Variants in LDLRAD3 observed in about 807,000 individuals in gnomAD.
LDLRAD3 encodes low-density lipoprotein receptor class A domain-containing protein 3.
Under a neutral mutation model 29.4 loss-of-function variants are expected in LDLRAD3, and 20 were observed. The observed-to-expected ratio is 0.68, with a 90% CI of 0.48 to 0.99. The LOEUF is 0.99. Ranked by LOEUF, LDLRAD3 falls within the 50% of genes least tolerant of loss-of-function variation. The pLI, the probability that LDLRAD3 is intolerant of heterozygous loss-of-function variation, is 0.00. For synonymous variants in LDLRAD3, 157 were observed against 192.7 expected (o/e 0.81, Z 1.53); for missense variants, 420 against 454.3 (o/e 0.92, Z 0.69).
In LDLRAD3 at chr11:36,229,465, C is replaced by A; in HGVS notation, c.*68C>A. 1.7e-6 allele frequency: 2 copies of A among 1,191,090 alleles called. No individual in the cohort carries two copies. Among genetic ancestry groups the A allele is most frequent in the South Asian group, 1.3e-5 (1 of 76,524 alleles). The allele number at this position is 1,191,090 out of a possible 1,614,324, so 73.8% of individuals were successfully genotyped here. A position where few individuals can be genotyped will look rare whatever the true frequency, so the allele number is the denominator to read the frequency against. Reference sequence around the variant, plus strand: ...CTTGTTGCCATTCTAACAATTTGTGCTCATGGGAAGCTCTTTAAGCACCTG... The same window carrying A: ...CTTGTTGCCATTCTAACAATTTGTGATCATGGGAAGCTCTTTAAGCACCTG... On this transcript the variant is annotated 3_prime_UTR_variant, in exon 6 of 6. Transcript: ENST00000315571.
intron 2 of LDLRAD3, among the ~76,000 whole-genome samples, chr11:36,048,160 A>G (rs1590225671): frequency 6.6e-6 from 1 of 152,188 alleles, no homozygotes; most frequent in African/African-American, 2.4e-5. Context: ...GTGATTCTCC[A>G]TAGATTCTCC....
At chr11:36,089,845 C>T (rs1008967092) in intron 3 of LDLRAD3, among the ~76,000 whole-genome samples, 10 of 151,752 alleles carry the variant, frequency 6.6e-5, no homozygotes, top group Non-Finnish European at 8.8e-5. Context: ...CTCCTAGCCC[C>T]GAGCTATCCT....
intron 4 of LDLRAD3, among the ~76,000 whole-genome samples, chr11:36,135,698 C>T (rs1221413404): frequency 6.6e-6 from 1 of 152,060 alleles, no homozygotes; most frequent in East Asian, 1.9e-4. Context: ...TCACTTGAGG[C>T]CAGGAGTTCA....
intron 4 of LDLRAD3, among the ~76,000 whole-genome samples, chr11:36,120,087 T>TC (rs1853731831): frequency 6.6e-6 from 1 of 152,196 alleles, no homozygotes. Flanking sequence ...TGTTATTTTT[T>TC]CCCTCACTGA....
At chr11:36,169,667 T>C (rs533350155) in intron 4 of LDLRAD3, among the ~76,000 whole-genome samples, 3 of 152,368 alleles carry the variant, frequency 2.0e-5, no homozygotes, top group South Asian at 4.1e-4. Context: ...TATTCCATTA[T>C]GTATACATAC....
intron 1 of LDLRAD3, among the ~76,000 whole-genome samples, chr11:36,028,028 A>G (rs987942492): frequency 1.4e-4 from 22 of 152,170 alleles, no homozygotes; most frequent in Admixed American, 1.4e-3. Flanking sequence ...TGGCAAGGAC[A>G]TGGGTGTGAG....
In LDLRAD3 at chr11:36,098,509, A is replaced by C. The variant is rs752563770; in HGVS notation, c.454+48A>C. On this transcript the variant is annotated intron_variant, in intron 4 of 5. Transcript: ENST00000315571. Reference sequence around the variant, plus strand: ...AAAGATAATTGCAACACAACACTGCAGTAATGGAACACCCTGAAAGGCAGA... The same window carrying C: ...AAAGATAATTGCAACACAACACTGCCGTAATGGAACACCCTGAAAGGCAGA... The C allele has an allele frequency of 3.1e-6, 5 of 1,606,804 alleles. No homozygotes were observed. In the South Asian group the frequency reaches 5.5e-5, roughly 18 times the overall value.
rs1420718973 is a variant in LDLRAD3 at position 35,944,251 on chromosome 11, C to T, written c.46+107C>T. The T allele has an allele frequency of 1.5e-5, 10 of 671,776 alleles. No homozygotes were observed. The highest frequency in any genetic ancestry group is 2.0e-5 in the African/African-American group (1 of 51,020). The allele number at this position is 671,776 out of a possible 1,614,324, so 41.6% of individuals were successfully genotyped here. A position where few individuals can be genotyped will look rare whatever the true frequency, so the allele number is the denominator to read the frequency against. ...CCTCTCCCGGGCGCGGGCCGCTCTC[C>T]GGGCGTGGGTGAGCGCGGAGGGCGG... On this transcript the variant is annotated intron_variant, in intron 1 of 5. Transcript: ENST00000315571. The surrounding 1 kb of genome is among the most constrained non-coding windows in gnomAD (Gnocchi z 4.9).
chr11:36,094,846 C>G (rs114463578), intron 3 of LDLRAD3, among the ~76,000 whole-genome samples: 2,035 of 152,236 alleles, frequency 0.013, 44 homozygotes, highest in African/African-American at 0.047. Flanking sequence ...CCATTTTAGT[C>G]ATTTCTGATT....
chr11:35,959,435 T>C (rs1851247942), intron 1 of LDLRAD3, among the ~76,000 whole-genome samples: 1 of 152,196 alleles, frequency 6.6e-6, no homozygotes, highest in Admixed American at 6.5e-5. Flanking sequence ...TCTCTATACT[T>C]GAATGTTTAT....
intron 2 of LDLRAD3, among the ~76,000 whole-genome samples, chr11:36,063,881 T>C (rs1329956379): frequency 2.0e-5 from 3 of 152,234 alleles, no homozygotes; most frequent in Non-Finnish European, 4.4e-5. Flanking sequence ...TTCAATATGG[T>C]TTTGGCTATT....
chr11:36,036,579 A>G (rs1192030067), intron 2 of LDLRAD3, among the ~76,000 whole-genome samples: 1 of 152,104 alleles, frequency 6.6e-6, no homozygotes, highest in African/African-American at 2.4e-5. Context: ...ATGTGGCTGC[A>G]GCATCTTAAA....
At chr11:36,148,720 C>T (rs1854233154) in intron 4 of LDLRAD3, among the ~76,000 whole-genome samples, 1 of 152,130 alleles carries the variant, frequency 6.6e-6, no homozygotes, top group Non-Finnish European at 1.5e-5. Context: ...GCCAGGACCA[C>T]TTTACCCCAG....
chr11:36,141,235 A>G (rs10836506), intron 4 of LDLRAD3, among the ~76,000 whole-genome samples: 46,571 of 152,014 alleles, frequency 0.31, 7,582 homozygotes, highest in East Asian at 0.56. Flanking sequence ...TCACCTATCG[A>G]GTTTTTCTTT....
chr11:36,070,128 G>C (rs914475516), intron 2 of LDLRAD3, among the ~76,000 whole-genome samples: 1 of 152,152 alleles, frequency 6.6e-6, no homozygotes, highest in Non-Finnish European at 1.5e-5. Context: ...TGTCAGCTTC[G>C]CTTTTGAATC....
intron 4 of LDLRAD3, among the ~76,000 whole-genome samples, chr11:36,199,587 ACGCACGCACGCGTGCG>A (rs1257012897): frequency 3.4e-5 from 5 of 149,250 alleles, no homozygotes; most frequent in Admixed American, 6.7e-5. Context: ...ACACACACAC[ACGCACGCACGCGTGCG>A]CGCACACGCT....
chr11:36,022,585 G>A (rs917764018), intron 1 of LDLRAD3, among the ~76,000 whole-genome samples: 1 of 152,150 alleles, frequency 6.6e-6, no homozygotes, highest in Non-Finnish European at 1.5e-5. Flanking sequence ...GTCAATCTCT[G>A]TTTTATATAT....
At chr11:35,949,546 A>C (rs560028493) in intron 1 of LDLRAD3, among the ~76,000 whole-genome samples, 1 of 152,296 alleles carries the variant, frequency 6.6e-6, no homozygotes, top group African/African-American at 2.4e-5. Flanking sequence ...TTCGTTCTGC[A>C]GGTGCTTGGG....
chr11:36,152,755 C>G (rs1854294770), intron 4 of LDLRAD3, among the ~76,000 whole-genome samples: 1 of 152,182 alleles, frequency 6.6e-6, no homozygotes, highest in Non-Finnish European at 1.5e-5. Flanking sequence ...CAGCTTGCAC[C>G]TGGTTTCCCC....
Sources: allele counts gnomAD v4.1 joint callset (sites outside exome capture counted in the v4.1 genomes callset), GRCh38; gene constraint gnomAD v4.1.1; non-coding constraint Gnocchi (gnomAD v3.1); transcripts MANE v1.5; gene names NCBI Gene and HGNC (gene_info 2026-07-23, HGNC 2026-07-21).